MTAP: variants seen among roughly 807,000 people sequenced by gnomAD.
The protein encoded by MTAP is S-methyl-5'-thioadenosine phosphorylase.
Under a neutral mutation model 33.6 loss-of-function variants are expected in MTAP, and 33 were observed. The observed-to-expected ratio is 0.98, with a 90% CI of 0.74 to 1.31. The LOEUF is 1.31. Among genes scored for constraint, MTAP ranks in the 40% most tolerant of loss-of-function variants. The probability of loss-of-function intolerance (pLI) is 0.00; values close to 1 mark genes in which losing one functional copy is unlikely to be tolerated. For missense variants in MTAP, 367 were observed against 360.0 expected, an observed-to-expected ratio of 1.02 and a Z score of -0.16; for synonymous variants, 148 against 125.7, an observed-to-expected ratio of 1.18 and a Z score of -1.19.
At chr9:21,921,284 A>T (rs983297050) in intron 1 of MTAP, among the ~76,000 whole-genome samples, 1 of 151,670 alleles carries the variant, frequency 6.6e-6, no homozygotes, top group Non-Finnish European at 1.5e-5. Context: ...TTTTATTTAC[A>T]TGGGTCTTTT....
chr9:21,876,624 G>C (rs1336594856), intron 1 of MTAP, among the ~76,000 whole-genome samples: 1 of 152,084 alleles, frequency 6.6e-6, no homozygotes, highest in African/African-American at 2.4e-5. Context: ...ATTGAATAGG[G>C]AATCTTTTCC....
At chr9:21,896,582 A>G (rs1818297056) in intron 1 of MTAP, among the ~76,000 whole-genome samples, 1 of 152,170 alleles carries the variant, frequency 6.6e-6, no homozygotes, top group Non-Finnish European at 1.5e-5. Context: ...AGAAAAACAA[A>G]CTACCATCAG....
intron 1 of MTAP, chr9:21,813,993 G>C (rs1003416446): frequency 6.6e-6 from 1 of 152,256 alleles, no homozygotes; most frequent in South Asian, 2.1e-4. Context: ...CTCTTTGTTC[G>C]TTGACATAAA....
chr9:21,903,222 T>G (rs1449185440), intron 1 of MTAP, among the ~76,000 whole-genome samples: 1 of 152,220 alleles, frequency 6.6e-6, no homozygotes, highest in African/African-American at 2.4e-5. Context: ...AGACTCCAGC[T>G]GCCAGTGAGT....
chr9:21,814,005 G>A (rs892284164), intron 1 of MTAP: 1 of 152,214 alleles, frequency 6.6e-6, no homozygotes, highest in Non-Finnish European at 1.5e-5. Context: ...TGACATAAAA[G>A]TATGTTAACC....
chr9:21,809,290 T>C (rs1328544765), intron 1 of MTAP, among the ~76,000 whole-genome samples: 1 of 152,104 alleles, frequency 6.6e-6, no homozygotes, highest in African/African-American at 2.4e-5. Context: ...GTAGCTAGGA[T>C]CTCTTGGGAC....
chr9:21,806,166 G>C (rs1482868368), intron 1 of MTAP, among the ~76,000 whole-genome samples: 2 of 152,100 alleles, frequency 1.3e-5, no homozygotes, highest in Non-Finnish European at 2.9e-5. Flanking sequence ...ATAGCCTGTG[G>C]GCAGGGGAAG....
chr9:21,890,327 C>G (rs7865071), intron 1 of MTAP, among the ~76,000 whole-genome samples: 35,437 of 152,042 alleles, frequency 0.23, 4,476 homozygotes, highest in East Asian at 0.41. Context: ...CAGCAATCAC[C>G]GCTGAGATCT....
At chr9:21,861,199 G>C (rs1308943873) in intron 7 of MTAP, 3 of 152,148 alleles carry the variant, frequency 2.0e-5, no homozygotes, top group Non-Finnish European at 4.4e-5. Flanking sequence ...GTAGAAATCA[G>C]TGTTCTCCTT....
chr9:21,857,654 TA>T (rs1825670740), intron 6 of MTAP, among the ~76,000 whole-genome samples: 1 of 152,210 alleles, frequency 6.6e-6, no homozygotes, highest in Non-Finnish European at 1.5e-5. Flanking sequence ...CTTCAACCAT[TA>T]TATTAACTTA....
rs141347899 is a variant in MTAP at position 21,834,382 on chromosome 9, A to G, written c.348-3526A>G. ...GATCCCAAGCTATGGGGAGATAAAA[A>G]TTAGTCCCCTTGCCTAGCTAGAGGG... On this transcript the variant is annotated intron_variant, in intron 4 of 7. Transcript: ENST00000644715. Among the ~76,000 whole-genome samples, 48 of 152,348 alleles carry G rather than the reference A, an allele frequency of 3.2e-4. No individual in the cohort carries two copies. The East Asian group carries it at 8.5e-3, about 27-fold the overall frequency.
chr9:21,897,751 A>T (rs1818320361), intron 1 of MTAP, among the ~76,000 whole-genome samples: 1 of 152,210 alleles, frequency 6.6e-6, no homozygotes, highest in South Asian at 2.1e-4. Flanking sequence ...CAAATAGAAG[A>T]ACATTTCATG....
chr9:21,935,549 G>A (rs1819029239), downstream of MTAP: 2 of 152,006 alleles, frequency 1.3e-5, no homozygotes, highest in African/African-American at 4.8e-5. Context: ...CCCTGGGCAT[G>A]GATTTGGGGC....
intron 1 of MTAP, among the ~76,000 whole-genome samples, chr9:21,915,028 C>T (rs1392672102): frequency 6.9e-5 from 7 of 102,076 alleles, no homozygotes; most frequent in African/African-American, 3.3e-4. Context: ...TCCTTCCTTC[C>T]TTCCTTCCTT....
chr9:21,887,879 G>C (rs1405915557), intron 1 of MTAP, among the ~76,000 whole-genome samples: 1 of 152,078 alleles, frequency 6.6e-6, no homozygotes, highest in East Asian at 1.9e-4. Context: ...TTTGTGTGGG[G>C]GGGTTGCAGC....
rs1825757066 is a variant in MTAP, at chr9:21,861,732, G to T, written c.814-244G>T. The T allele has an allele frequency of 5.6e-6, 3 of 538,508 alleles. No individual in the cohort carries two copies. The South Asian group carries it at 6.8e-5, about 12-fold the overall frequency. The allele number at this position is 538,508 out of a possible 1,614,324, so 33.4% of individuals were successfully genotyped here. A position where few individuals can be genotyped will look rare whatever the true frequency, so the allele number is the denominator to read the frequency against. On this transcript the variant is annotated intron_variant, in intron 7 of 7. Transcript: ENST00000644715. ...GGCAATAAGTGATTATCAGAACAAT[G>T]CTCTGAGATAAGCATTATTAACCTC...
intron 1 of MTAP, among the ~76,000 whole-genome samples, chr9:21,902,938 TAAA>T (rs1461211966): frequency 6.6e-6 from 1 of 152,180 alleles, no homozygotes; most frequent in African/African-American, 2.4e-5. Context: ...TCTATATAAA[TAAA>T]AACTGAAATT....
chr9:21,832,758 A>G (rs558873386), intron 4 of MTAP, among the ~76,000 whole-genome samples: 12 of 152,268 alleles, frequency 7.9e-5, no homozygotes, highest in Non-Finnish European at 1.6e-4. Context: ...TTGAGTTCCT[A>G]TTAGGTGTCA....
rs928163176 is a variant in MTAP, at chr9:21,867,020, T to C, written c.*5006T>C. Reference sequence around the variant, plus strand: ...AGTTTATTGCTGGTATACAGAAATATGTTTTATTTTTGTATATTGACTTTA... The same window carrying C: ...AGTTTATTGCTGGTATACAGAAATACGTTTTATTTTTGTATATTGACTTTA... On this transcript the variant is annotated 3_prime_UTR_variant, in exon 8 of 8. Transcript: ENST00000644715. 4.6e-5 allele frequency: 7 copies of C among 152,194 alleles called. No individual in the cohort carries two copies. The highest frequency in any genetic ancestry group is 1.4e-4 in the African/African-American group (6 of 41,466). The allele number at this position is 152,194 out of a possible 1,614,324, so 9.4% of individuals were successfully genotyped here. A position where few individuals can be genotyped will look rare whatever the true frequency, so the allele number is the denominator to read the frequency against.
Sources: allele counts gnomAD v4.1 joint callset (sites outside exome capture counted in the v4.1 genomes callset), GRCh38; gene constraint gnomAD v4.1.1; transcripts MANE v1.5; gene names NCBI Gene and HGNC (gene_info 2026-07-23, HGNC 2026-07-21).